SUGCT: variants seen among roughly 807,000 people sequenced by gnomAD.
SUGCT encodes the protein succinyl-CoA:glutarate-CoA transferase, also known as succinyl-CoA:glutarate CoA-transferase.
A neutral mutation model predicts 55.0 loss-of-function variants in SUGCT; 41 were observed. The observed-to-expected ratio is 0.74, with a 90% CI of 0.58 to 0.97. SUGCT has a LOEUF of 0.97. SUGCT is among the 50% of genes least tolerant of loss of function. SUGCT has a pLI of 0.00. For synonymous variants in SUGCT, 187 were observed against 200.4 expected (o/e 0.93, Z 0.56); for missense variants, 568 against 547.8 (o/e 1.04, Z -0.37).
At chr7:40,916,614 C>G in the SUGCT span, among the ~76,000 whole-genome samples, 1 of 152,194 alleles carries the variant, frequency 6.6e-6, no homozygotes, top group African/African-American at 2.4e-5. Flanking sequence ...ACTTCTCTTT[C>G]TGAATCAGTA....
At chr7:40,932,123 G>T in the SUGCT span, among the ~76,000 whole-genome samples, 1 of 152,180 alleles carries the variant, frequency 6.6e-6, no homozygotes, top group African/African-American at 2.4e-5. Context: ...GGTACATTGT[G>T]TCTTTGTTCT....
chr7:40,920,533 A>G, the SUGCT span, among the ~76,000 whole-genome samples: 29 of 152,312 alleles, frequency 1.9e-4, no homozygotes, highest in South Asian at 6.0e-3. Flanking sequence ...GAGGTGGTCC[A>G]GCTACTTCCT....
the SUGCT span, among the ~76,000 whole-genome samples, chr7:40,972,762 C>T: frequency 6.6e-6 from 1 of 152,112 alleles, no homozygotes; most frequent in Non-Finnish European, 1.5e-5. Context: ...CTAGGGCTAC[C>T]TCCCAACAAT....
intron 8 of SUGCT, among the ~76,000 whole-genome samples, chr7:40,288,990 C>T (rs181447549): frequency 1.3e-5 from 2 of 152,236 alleles, no homozygotes; most frequent in Admixed American, 1.3e-4. Context: ...CTTCCCCACT[C>T]ATGTTGAAAG....
At chr7:40,294,362 A>G (rs1372871733) in intron 8 of SUGCT, among the ~76,000 whole-genome samples, 1 of 152,188 alleles carries the variant, frequency 6.6e-6, no homozygotes, top group Admixed American at 6.5e-5. Context: ...GGTAGTCTTT[A>G]GGAGTGTTTA....
chr7:40,217,016 C>G (rs368158953), intron 6 of SUGCT, among the ~76,000 whole-genome samples: 2 of 152,042 alleles, frequency 1.3e-5, no homozygotes, highest in East Asian at 1.9e-4. Flanking sequence ...ATTTCCCCCC[C>G]CTCAGTCTTA....
At chr7:40,595,463 T>G (rs1241562290) in intron 12 of SUGCT, among the ~76,000 whole-genome samples, 2 of 152,206 alleles carry the variant, frequency 1.3e-5, no homozygotes, top group Admixed American at 1.3e-4. Context: ...AGCATTTAAT[T>G]GACACGTTGT....
At chr7:40,932,709 G>A in the SUGCT span, among the ~76,000 whole-genome samples, 1 of 150,514 alleles carries the variant, frequency 6.6e-6, no homozygotes. Flanking sequence ...GATCTTTGTT[G>A]GTTTCAAGTC....
At chr7:40,790,875 T>C (rs563998461) in intron 13 of SUGCT, among the ~76,000 whole-genome samples, 6 of 152,226 alleles carry the variant, frequency 3.9e-5, no homozygotes, top group Non-Finnish European at 7.3e-5. Flanking sequence ...TAAATTACTT[T>C]TTTGATGCAG....
At chr7:40,748,448 T>C (rs1787845494) in intron 12 of SUGCT, among the ~76,000 whole-genome samples, 2 of 151,906 alleles carry the variant, frequency 1.3e-5, no homozygotes, top group East Asian at 3.9e-4. Flanking sequence ...ATTATTTAGG[T>C]TTTGTTTTAA....
intron 6 of SUGCT, among the ~76,000 whole-genome samples, chr7:40,230,715 T>C (rs1481654683): frequency 6.6e-6 from 1 of 152,156 alleles, no homozygotes; most frequent in African/African-American, 2.4e-5. Flanking sequence ...GTGACTTAAG[T>C]GGGATAACTT....
chr7:40,286,031 A>G (rs955541962), intron 8 of SUGCT, among the ~76,000 whole-genome samples: 2 of 152,152 alleles, frequency 1.3e-5, no homozygotes, highest in African/African-American at 4.8e-5. Flanking sequence ...TTCCTTTTAC[A>G]TATTGATATT....
chr7:40,436,892 T>C (rs958784363), intron 9 of SUGCT, among the ~76,000 whole-genome samples: 3 of 152,196 alleles, frequency 2.0e-5, no homozygotes, highest in African/African-American at 7.2e-5. Context: ...AAAATCAATA[T>C]GGTCTCTTGT....
intron 1 of SUGCT, among the ~76,000 whole-genome samples, chr7:40,145,473 A>G (rs979511304): frequency 1.3e-5 from 2 of 151,894 alleles, no homozygotes; most frequent in South Asian, 2.1e-4. Context: ...AGAATTTACT[A>G]TATAACATTC....
chr7:40,866,136 C>T, the SUGCT span, among the ~76,000 whole-genome samples: 17 of 152,112 alleles, frequency 1.1e-4, no homozygotes, highest in Non-Finnish European at 1.6e-4. Flanking sequence ...CTTCAGAAGA[C>T]GCAACTGGGA....
chr7:40,596,328 G>A (rs1215472489), intron 12 of SUGCT, among the ~76,000 whole-genome samples: 1 of 152,210 alleles, frequency 6.6e-6, no homozygotes, highest in East Asian at 1.9e-4. Context: ...AGTACATCAT[G>A]TCCTTGGAAA....
chr7:40,642,435 G>A (rs1186334580), intron 12 of SUGCT, among the ~76,000 whole-genome samples: 5 of 152,132 alleles, frequency 3.3e-5, no homozygotes, highest in African/African-American at 1.2e-4. Context: ...GGCATGAACT[G>A]AGGGTAAGGA....
intron 13 of SUGCT, among the ~76,000 whole-genome samples, chr7:40,858,551 T>G (rs1309522725): frequency 6.6e-6 from 1 of 152,182 alleles, no homozygotes; most frequent in Non-Finnish European, 1.5e-5. Flanking sequence ...CAAGCAGTTC[T>G]TCTTTTGATA....
the SUGCT span, among the ~76,000 whole-genome samples, chr7:40,867,996 C>T: frequency 2.0e-5 from 3 of 152,118 alleles, no homozygotes; most frequent in Non-Finnish European, 4.4e-5. Context: ...AATAGACATC[C>T]TCTCACCCAC....
Sources: allele counts gnomAD v4.1 joint callset (sites outside exome capture counted in the v4.1 genomes callset), GRCh38; gene constraint gnomAD v4.1.1; transcripts MANE v1.5; gene names NCBI Gene and HGNC (gene_info 2026-07-23, HGNC 2026-07-21).